The following CCNJL variants were observed in gnomAD, a reference collection of about 807,000 sequenced individuals.
CCNJL encodes cyclin-J-like protein.
In CCNJL, 33 loss-of-function variants were observed where a neutral mutation model predicts 33.4. That is an observed-to-expected ratio of 0.99 (90% CI 0.75 to 1.32). The LOEUF is 1.32. Ranked by LOEUF, CCNJL falls within the 40% of genes most tolerant of loss-of-function variation. The pLI, the probability that CCNJL is intolerant of heterozygous loss-of-function variation, is 0.00. For synonymous variants in CCNJL, 227 were observed against 220.9 expected (o/e 1.03, Z -0.24); for missense variants, 512 against 499.7 (o/e 1.02, Z -0.23).
intron 2 of CCNJL, among the ~76,000 whole-genome samples, chr5:160,309,160 T>C (rs114519724): frequency 0.01 from 1,544 of 152,324 alleles, 12 homozygotes; most frequent in South Asian, 0.024. Flanking sequence ...AATGACACAA[T>C]CTAAATTCTG....
intron 3 of CCNJL, among the ~76,000 whole-genome samples, chr5:160,276,887 A>T (rs1762032229): frequency 6.6e-6 from 1 of 152,014 alleles, no homozygotes; most frequent in Non-Finnish European, 1.5e-5. Flanking sequence ...AGGCTCAAGC[A>T]ATTCTCCAGC....
intron 2 of CCNJL, among the ~76,000 whole-genome samples, chr5:160,310,746 A>G (rs1763234925): frequency 6.6e-6 from 1 of 152,192 alleles, no homozygotes; most frequent in Non-Finnish European, 1.5e-5. Flanking sequence ...TCCTTGTAAG[A>G]AGAGAAAACA....
At chr5:160,316,224 G>C (rs976015144), upstream of CCNJL, among the ~76,000 whole-genome samples, 2 of 152,052 alleles carry the variant, frequency 1.3e-5, no homozygotes, top group Admixed American at 1.3e-4. Flanking sequence ...AATGCAACTG[G>C]AATCACTTCT....
chr5:160,287,268 A>T (rs1357528428), intron 2 of CCNJL, among the ~76,000 whole-genome samples: 1 of 152,154 alleles, frequency 6.6e-6, no homozygotes, highest in Non-Finnish European at 1.5e-5. Flanking sequence ...GTCTCAGAGA[A>T]GTTGAATTGA....
At position 160,282,236 on chromosome 5, in the gene CCNJL, T is replaced by C. The variant is rs1762238761; in HGVS notation, c.67-1498A>G. Among the ~76,000 whole-genome samples the C allele has an allele frequency of 3.9e-5, 6 of 152,340 alleles. No individual in the cohort carries two copies. The South Asian group carries it at 1.2e-3, about 32-fold the overall frequency. The stretch of plus-strand genomic sequence containing the variant: ...ATTCATTCATTCAAGAGCTATTCAT[T>C]CATTTTACTCAGTAAGTATGAAGTA... On this transcript the variant is annotated intron_variant, in intron 2 of 5. Transcript: ENST00000257536.
At chr5:160,328,962 C>T (rs1462424458) in intron 1 of CCNJL, among the ~76,000 whole-genome samples, 1 of 152,038 alleles carries the variant, frequency 6.6e-6, no homozygotes, top group African/African-American at 2.4e-5. Context: ...GTAACTTATC[C>T]AAGGTTACCC....
In CCNJL at chr5:160,259,684, G is replaced by A; in HGVS notation, c.368C>T (p.Thr123Ile). 2 of 1,614,198 alleles carry A rather than the reference G, an allele frequency of 1.2e-6. No individual in the cohort carries two copies. Among genetic ancestry groups the A allele is most frequent in the Non-Finnish European group, 1.7e-6 (2 of 1,180,018 alleles). The change falls in exon 4 of 6, where the codon ACC (threonine) becomes ATC (isoleucine). Residue 123 changes from threonine to isoleucine, a missense_variant. Transcript: ENST00000257536. ...RILSSQNFTL[T>I]KKELLSTELL... ...CTCTGTGCTCAGCAGCTCCTTCTTGGTGAGGGTGAAGTTCTGGCTGCTCAG... is the reference window on the plus strand; with the variant it reads ...CTCTGTGCTCAGCAGCTCCTTCTTGATGAGGGTGAAGTTCTGGCTGCTCAG...
chr5:160,267,800 G>GATC (rs1761669218), intron 3 of CCNJL, among the ~76,000 whole-genome samples: 1 of 152,216 alleles, frequency 6.6e-6, no homozygotes, highest in Non-Finnish European at 1.5e-5. Flanking sequence ...GGGCTCAAGT[G>GATC]ATCTTCCTGC....
chr5:160,338,395 CT>C (rs34045249), intron 1 of CCNJL, among the ~76,000 whole-genome samples: 71,215 of 149,930 alleles, frequency 0.47, 17,202 homozygotes, highest in Middle Eastern at 0.54. Flanking sequence ...CCCTGTCCCC[CT>C]CAACTCCCCC....
At chr5:160,266,249 A>G (rs550346646) in intron 3 of CCNJL, among the ~76,000 whole-genome samples, 37 of 151,810 alleles carry the variant, frequency 2.4e-4, no homozygotes, top group African/African-American at 8.9e-4. Flanking sequence ...GCTTTTTCCC[A>G]GCTTTGCAGC....
chr5:160,333,765 C>T (rs1763641849), intron 1 of CCNJL, among the ~76,000 whole-genome samples: 1 of 152,114 alleles, frequency 6.6e-6, no homozygotes, highest in African/African-American at 2.4e-5. Flanking sequence ...TCCTTCCCTT[C>T]TCTACGCCCC....
At chr5:160,324,180 T>C (rs1763507622) in intron 1 of CCNJL, among the ~76,000 whole-genome samples, 1 of 152,230 alleles carries the variant, frequency 6.6e-6, no homozygotes, top group Non-Finnish European at 1.5e-5. Context: ...TTAAGACTTC[T>C]GAAATAGATT....
intron 3 of CCNJL, among the ~76,000 whole-genome samples, chr5:160,261,972 G>C (rs1248372413): frequency 6.6e-6 from 1 of 152,156 alleles, no homozygotes; most frequent in African/African-American, 2.4e-5. Context: ...AGATATTTTA[G>C]GCCATTTGAA....
intron 1 of CCNJL, among the ~76,000 whole-genome samples, chr5:160,337,500 C>G (rs1469804275): frequency 6.6e-6 from 1 of 152,150 alleles, no homozygotes; most frequent in Non-Finnish European, 1.5e-5. Flanking sequence ...GTTACCAGTT[C>G]TGCAGGGCCC....
intron 2 of CCNJL, among the ~76,000 whole-genome samples, chr5:160,283,379 G>C (rs1446786057): frequency 6.6e-6 from 1 of 152,026 alleles, no homozygotes; most frequent in Non-Finnish European, 1.5e-5. Context: ...ATGGGTATGG[G>C]GTTTCTTTTT....
chr5:160,285,091 G>C (rs1023257859), intron 2 of CCNJL, among the ~76,000 whole-genome samples: 7 of 152,106 alleles, frequency 4.6e-5, no homozygotes, highest in African/African-American at 1.7e-4. Flanking sequence ...CCAGAAGGCT[G>C]AGGGAGGAGA....
intron 5 of CCNJL, chr5:160,254,003 C>T (rs1318853045): frequency 4.2e-6 from 2 of 481,674 alleles, no homozygotes; most frequent in African/African-American, 3.9e-5. Flanking sequence ...CTTGGATCTG[C>T]TTCCTACAGA....
chr5:160,268,926 G>T lies in CCNJL; in HGVS notation c.281-9155C>A, dbSNP rs1272628733. 2.6e-5 allele frequency among the ~76,000 whole-genome samples: 4 copies of T among 152,346 alleles called. No individual in the cohort carries two copies. In the East Asian group the frequency reaches 7.7e-4, roughly 29 times the overall value. On this transcript the variant is annotated intron_variant, in intron 3 of 5. Transcript: ENST00000257536. ...TTCTCCTTCCTCTCTCAAGAGCAGG[G>T]CTGCATCTCCAGTCTCTGGCACAGA...
intron 2 of CCNJL, among the ~76,000 whole-genome samples, chr5:160,308,327 T>C (rs1763157487): frequency 6.6e-6 from 1 of 152,264 alleles, no homozygotes; most frequent in Admixed American, 6.5e-5. Context: ...ACTGACTTAT[T>C]CATTCTCCTT....
Sources: gnomAD v4.1 joint callset for allele counts (sites outside exome capture counted in the v4.1 genomes callset) on GRCh38, gnomAD v4.1.1 for gene constraint, MANE v1.5 for transcripts, NCBI Gene and HGNC (gene_info 2026-07-23, HGNC 2026-07-21) for gene names.